SYN3: variants seen among roughly 807,000 people sequenced by gnomAD.
SYN3 encodes synapsin-3.
SYN3 carries 35 observed loss-of-function variants against 65.8 expected under a neutral mutation model. The ratio of observed to expected loss-of-function variants is 0.53; its 90% CI spans 0.41 to 0.70. The LOEUF (loss-of-function observed/expected upper bound fraction) is 0.70, where lower values mean the gene tolerates loss of function less well. SYN3 is among the 30% of genes least tolerant of loss of function. SYN3 has a pLI of 0.00. For missense variants in SYN3, 680 were observed against 749.0 expected, an observed-to-expected ratio of 0.91 and a Z score of 1.08; for synonymous variants, 270 against 292.9, an observed-to-expected ratio of 0.92 and a Z score of 0.80.
intron 6 of SYN3, among the ~76,000 whole-genome samples, chr22:32,705,390 C>T (rs1167772621): frequency 6.6e-6 from 1 of 152,060 alleles, no homozygotes; most frequent in Non-Finnish European, 1.5e-5. Context: ...TTTCTTGTCT[C>T]TCTATTTGAT....
At chr22:32,796,726 G>C (rs1251706368) in intron 6 of SYN3, among the ~76,000 whole-genome samples, 2 of 152,072 alleles carry the variant, frequency 1.3e-5, no homozygotes, top group Non-Finnish European at 2.9e-5. Context: ...TCGTGGCTAG[G>C]GTCTGGAGGG....
At chr22:32,523,356 CAAA>C (rs547495978) in intron 12 of SYN3, among the ~76,000 whole-genome samples, 5 of 151,932 alleles carry the variant, frequency 3.3e-5, no homozygotes, top group African/African-American at 1.2e-4. Context: ...ACTGAAAATA[CAAA>C]AAAATTAGCT....
intron 1 of SYN3, among the ~76,000 whole-genome samples, chr22:33,047,021 T>C (rs2054077623): frequency 6.6e-6 from 1 of 151,992 alleles, no homozygotes; most frequent in Non-Finnish European, 1.5e-5. Flanking sequence ...TCTACAGGTA[T>C]TTCCAAAACT....
At chr22:32,761,203 G>T (rs1405638213) in intron 6 of SYN3, among the ~76,000 whole-genome samples, 1 of 152,220 alleles carries the variant, frequency 6.6e-6, no homozygotes, top group Admixed American at 6.5e-5. Flanking sequence ...GTGTGACCCA[G>T]TGCCGGTTAC....
intron 1 of SYN3, among the ~76,000 whole-genome samples, chr22:33,048,764 T>C (rs1250098375): frequency 1.3e-5 from 2 of 152,176 alleles, no homozygotes; most frequent in African/African-American, 4.8e-5. Flanking sequence ...TTACCCAGTC[T>C]CAGGTATTCC....
intron 6 of SYN3, among the ~76,000 whole-genome samples, chr22:32,838,793 A>G (rs934014609): frequency 1.3e-5 from 2 of 151,746 alleles, no homozygotes; most frequent in Non-Finnish European, 2.9e-5. Flanking sequence ...GTTCCCTCCC[A>G]CAGCCTCATT....
At chr22:32,901,177 T>C (rs1280212556) in intron 4 of SYN3, among the ~76,000 whole-genome samples, 1 of 152,212 alleles carries the variant, frequency 6.6e-6, no homozygotes, top group African/African-American at 2.4e-5. Flanking sequence ...ACTTGAACAT[T>C]GACTAATACA....
At chr22:32,560,963 G>A (rs2058578177) in intron 7 of SYN3, among the ~76,000 whole-genome samples, 1 of 152,174 alleles carries the variant, frequency 6.6e-6, no homozygotes, top group Admixed American at 6.5e-5. Flanking sequence ...TGAAGGAAAT[G>A]CAGGAGTGGA....
rs531977485 is a variant in SYN3 at position 32,511,610 on chromosome 22, G to A, written c.*2082C>T. ...GCATGGAGACAGAGTAAGGGTGGTG[G>A]GCTTTTTGGGCGCTAGAAAGAGTAC... On this transcript the variant is annotated 3_prime_UTR_variant, in exon 14 of 14. Coordinates refer to ENST00000358763, the MANE Select transcript of SYN3 (RefSeq NM_003490.4). Among the ~76,000 whole-genome samples, 57 of 152,148 alleles carry A rather than the reference G, an allele frequency of 3.7e-4. No individual in the cohort carries two copies. Among genetic ancestry groups the A allele is most frequent in the Non-Finnish European group, 6.8e-4 (46 of 68,034 alleles).
intron 6 of SYN3, among the ~76,000 whole-genome samples, chr22:32,660,603 G>A (rs2060204032): frequency 1.3e-5 from 2 of 152,212 alleles, no homozygotes; most frequent in Non-Finnish European, 2.9e-5. Flanking sequence ...GGAAAATGGC[G>A]CTAAATGCTC....
chr22:32,922,297 G>T (rs140100228), intron 4 of SYN3, among the ~76,000 whole-genome samples: 4 of 152,170 alleles, frequency 2.6e-5, no homozygotes, highest in Admixed American at 2.0e-4. Context: ...ATTGGCTGGA[G>T]AACTGGATGT....
intron 6 of SYN3, among the ~76,000 whole-genome samples, chr22:32,611,494 A>G (rs1414573158): frequency 1.3e-5 from 2 of 151,866 alleles, no homozygotes; most frequent in Non-Finnish European, 2.9e-5. Flanking sequence ...GGGATTCACT[A>G]TGTTGGCCAG....
chr22:33,008,088 C>G (rs1404649810), intron 1 of SYN3, among the ~76,000 whole-genome samples: 1 of 152,116 alleles, frequency 6.6e-6, no homozygotes, highest in African/African-American at 2.4e-5. Context: ...AGGCACCCAC[C>G]ACCACGCCCA....
rs1456610129 is a variant in SYN3, at chr22:32,801,816, C to A, written c.711+63099G>T. The A allele has an allele frequency of 3.3e-5, 20 of 606,800 alleles. No homozygotes were observed. The highest frequency in any genetic ancestry group is 4.3e-5 in the Non-Finnish European group (19 of 444,860). The allele number at this position is 606,800 out of a possible 1,614,324, so 37.6% of individuals were successfully genotyped here. On this transcript the variant is annotated intron_variant, in intron 6 of 13. Coordinates refer to ENST00000358763, the MANE Select transcript of SYN3 (RefSeq NM_003490.4). The surrounding 1 kb of genome is among the most constrained non-coding windows in gnomAD (Gnocchi z 4.7). ...CCGCCCGCCGAGTCCTGCGCCAGCG[C>A]CGAGGCAGCCTCGCTGCGCCCCATC...
intron 3 of SYN3, among the ~76,000 whole-genome samples, chr22:32,963,754 TA>T (rs1210464696): frequency 6.6e-6 from 1 of 152,130 alleles, no homozygotes; most frequent in Non-Finnish European, 1.5e-5. Context: ...TGGTGCTGCC[TA>T]AAGACTTTGG....
intron 6 of SYN3, among the ~76,000 whole-genome samples, chr22:32,694,309 A>T (rs552145187): frequency 6.6e-6 from 1 of 152,152 alleles, no homozygotes; most frequent in Non-Finnish European, 1.5e-5. Context: ...TGCCACATAT[A>T]AGCCATTTCT....
chr22:32,931,241 C>T, intron 4 of SYN3, 149 bp downstream of exon 4: 1 of 613,568 alleles, frequency 1.6e-6, no homozygotes. Context: ...GTCATTACTA[C>T]TGCAACCACA....
intron 1 of SYN3, among the ~76,000 whole-genome samples, chr22:33,048,977 T>C (rs2054115280): frequency 6.6e-6 from 1 of 152,198 alleles, no homozygotes; most frequent in Non-Finnish European, 1.5e-5. Context: ...GACCTTCTTT[T>C]TCTACTTCTT....
chr22:32,648,559 A>G (rs1312426646), intron 6 of SYN3, among the ~76,000 whole-genome samples: 1 of 152,236 alleles, frequency 6.6e-6, no homozygotes, highest in African/African-American at 2.4e-5. Context: ...TTAGTAGTTT[A>G]ATGGAAAGAG....
Sources: allele counts gnomAD v4.1 joint callset (sites outside exome capture counted in the v4.1 genomes callset), GRCh38; gene constraint gnomAD v4.1.1; non-coding constraint Gnocchi (gnomAD v3.1); transcripts MANE v1.5; gene names NCBI Gene and HGNC (gene_info 2026-07-23, HGNC 2026-07-21).